The following UBE3D variants were observed in gnomAD, a reference collection of about 807,000 sequenced individuals.
UBE3D encodes the protein ubiquitin protein ligase E3D, also known as E3 ubiquitin-protein ligase E3D.
Under a neutral mutation model 49.6 loss-of-function variants are expected in UBE3D, and 48 were observed. The ratio of observed to expected loss-of-function variants is 0.97; its 90% CI spans 0.77 to 1.23. The LOEUF (loss-of-function observed/expected upper bound fraction) is 1.23. Among genes scored for constraint, UBE3D ranks in the 50% most tolerant of loss-of-function variants. The pLI, the probability that UBE3D is intolerant of heterozygous loss-of-function variation, is 0.00. For synonymous variants in UBE3D, 189 were observed against 174.2 expected, an observed-to-expected ratio of 1.08 and a Z score of -0.67; for missense variants, 452 against 468.4, an observed-to-expected ratio of 0.96 and a Z score of 0.32.
chr6:82,985,516 C>G (rs1436989832), intron 8 of UBE3D, among the ~76,000 whole-genome samples: 1 of 152,082 alleles, frequency 6.6e-6, no homozygotes, highest in Non-Finnish European at 1.5e-5. Flanking sequence ...GCATATGCCA[C>G]CATACCTGGC....
chr6:83,050,542 T>G (rs1247313213), intron 3 of UBE3D, among the ~76,000 whole-genome samples: 1 of 152,214 alleles, frequency 6.6e-6, no homozygotes, highest in Non-Finnish European at 1.5e-5. Context: ...TATTCCAAGG[T>G]ACCTTCCTGG....
At chr6:82,991,751 T>C (rs1172540882) in intron 8 of UBE3D, among the ~76,000 whole-genome samples, 1 of 152,152 alleles carries the variant, frequency 6.6e-6, no homozygotes, top group East Asian at 1.9e-4. Flanking sequence ...TAAGATTTAC[T>C]TTCTTAACTG....
intron 9 of UBE3D, among the ~76,000 whole-genome samples, chr6:82,901,751 T>C (rs1771753867): frequency 6.6e-6 from 1 of 152,146 alleles, no homozygotes; most frequent in Admixed American, 6.6e-5. Flanking sequence ...CTGTTTCCTC[T>C]AGAAGACAAT....
chr6:83,013,777 C>A (rs1271855363), intron 8 of UBE3D, among the ~76,000 whole-genome samples: 1 of 151,728 alleles, frequency 6.6e-6, no homozygotes, highest in Non-Finnish European at 1.5e-5. Context: ...TATTTCCCAT[C>A]CTCTGGCAGG....
chr6:83,048,591 A>G (rs1783241975), intron 3 of UBE3D, among the ~76,000 whole-genome samples: 1 of 152,244 alleles, frequency 6.6e-6, no homozygotes, highest in East Asian at 1.9e-4. Context: ...AACACAAAAT[A>G]TGATATTTTA....
chr6:83,004,756 C>T (rs530076896), intron 8 of UBE3D, among the ~76,000 whole-genome samples: 27 of 152,284 alleles, frequency 1.8e-4, no homozygotes, highest in African/African-American at 6.5e-4. Flanking sequence ...AGATACTCTG[C>T]TGGATATAAA....
At chr6:83,052,308 T>C (rs573528607) in intron 3 of UBE3D, among the ~76,000 whole-genome samples, 2 of 152,262 alleles carry the variant, frequency 1.3e-5, no homozygotes, top group East Asian at 3.9e-4. Context: ...TACCCTGTAC[T>C]GCACTCTCAA....
chr6:82,915,413 T>C (rs1481424552), intron 9 of UBE3D, among the ~76,000 whole-genome samples: 1 of 152,314 alleles, frequency 6.6e-6, no homozygotes, highest in East Asian at 1.9e-4. Flanking sequence ...TATGAGTCTG[T>C]ACAAAATTCG....
At chr6:83,048,961 TTC>T (rs1783272716) in intron 3 of UBE3D, among the ~76,000 whole-genome samples, 2 of 152,196 alleles carry the variant, frequency 1.3e-5, no homozygotes, top group South Asian at 4.1e-4. Flanking sequence ...TTCCTGAATT[TTC>T]TCTCAGCCTA....
intron 9 of UBE3D, among the ~76,000 whole-genome samples, chr6:82,905,437 T>C (rs1772031566): frequency 6.6e-6 from 1 of 152,102 alleles, no homozygotes; most frequent in African/African-American, 2.4e-5. Flanking sequence ...ACAAACTTAA[T>C]CGATAAATGT....
intron 5 of UBE3D, chr6:83,037,828 C>A (rs1007994008): frequency 5.9e-5 from 9 of 151,872 alleles, no homozygotes; most frequent in African/African-American, 2.2e-4. Context: ...AAAATATAAT[C>A]AATGCTACTG....
rs888477426 is a variant in UBE3D at position 83,049,656 on chromosome 6, C to G, written c.365+4492G>C. ...AAGATCCCATCTTGCTGGTTTCCCT[C>G]TAGGGTCTCAACGCCCTCATGAGAT... On this transcript the variant is annotated intron_variant, in intron 3 of 9. Transcript: ENST00000369747. 4.5e-5 allele frequency: 17 copies of G among 375,662 alleles called. No individual in the cohort carries two copies. The East Asian group carries it at 1.4e-3, about 32-fold the overall frequency. 23.3% of individuals were successfully genotyped at this position (375,662 alleles called of 1,614,324 possible). A position where few individuals can be genotyped will look rare whatever the true frequency, so the allele number is the denominator to read the frequency against.
rs1455268453 is a variant in UBE3D at position 83,038,438 on chromosome 6, C to A, written c.645G>T (p.Met215Ile). Reference protein sequence around the residue: ...TKVICKRCKVMLGETVSSETT... With the variant: ...TKVICKRCKVILGETVSSETT... ...TACCTGATGACACGGTCTCTCCCAACATTACCTTGCAACGCTTACAAATTA... is the reference window on the plus strand; with the variant it reads ...TACCTGATGACACGGTCTCTCCCAAAATTACCTTGCAACGCTTACAAATTA... The change falls in exon 5 of 10, where the codon ATG becomes ATT. Residue 215 changes from methionine (M) to isoleucine (I), a missense_variant. Transcript: ENST00000369747. The A allele has an allele frequency of 6.2e-7, 1 of 1,612,072 alleles. No individual in the cohort carries two copies. The highest frequency in any genetic ancestry group is 1.3e-5 in the African/African-American group (1 of 74,880).
At chr6:82,944,430 GC>G (rs1314531675) in intron 9 of UBE3D, among the ~76,000 whole-genome samples, 1 of 152,150 alleles carries the variant, frequency 6.6e-6, no homozygotes, top group Non-Finnish European at 1.5e-5. Context: ...TGACTAAAGA[GC>G]CCCTGGGCCC....
chr6:82,981,285 G>T (rs964036283), intron 8 of UBE3D, among the ~76,000 whole-genome samples: 4 of 152,024 alleles, frequency 2.6e-5, no homozygotes, highest in African/African-American at 9.7e-5. Flanking sequence ...AAGCTTTCTT[G>T]TGAATATCAA....
chr6:82,924,496 T>A (rs966791342), intron 9 of UBE3D, among the ~76,000 whole-genome samples: 2 of 152,170 alleles, frequency 1.3e-5, no homozygotes, highest in African/African-American at 4.8e-5. Context: ...GTTTCTAGTA[T>A]CACAAATTCA....
intron 7 of UBE3D, 55 bp from the exon 8 acceptor site, chr6:83,019,191 C>G: frequency 6.8e-7 from 1 of 1,477,644 alleles, no homozygotes; most frequent in Non-Finnish European, 9.0e-7. Flanking sequence ...TTATCCATAT[C>G]TTATGACTTT....
intron 8 of UBE3D, among the ~76,000 whole-genome samples, chr6:82,985,008 C>CTTTTTTTTT (rs70987727): frequency 8.9e-4 from 47 of 52,970 alleles, no homozygotes; most frequent in East Asian, 2.0e-3. Flanking sequence ...TCTTCTTCTT[C>CTTTTTTTTT]TTTTTTTTTT....
intron 8 of UBE3D, among the ~76,000 whole-genome samples, chr6:82,986,764 CAT>C (rs1427584986): frequency 6.8e-6 from 1 of 147,542 alleles, no homozygotes; most frequent in African/African-American, 2.5e-5. Flanking sequence ...ATGTATTATA[CAT>C]ATATATTCTT....
Sources: gnomAD v4.1 joint callset for allele counts (sites outside exome capture counted in the v4.1 genomes callset) on GRCh38, gnomAD v4.1.1 for gene constraint, MANE v1.5 for transcripts, NCBI Gene and HGNC (gene_info 2026-07-23, HGNC 2026-07-21) for gene names.